The following SPATS2 variants were observed in gnomAD, a reference collection of about 807,000 sequenced individuals.
SPATS2 encodes spermatogenesis-associated serine-rich protein 2.
SPATS2 carries 38 observed loss-of-function variants against 63.7 expected under a neutral mutation model. That is an observed-to-expected ratio of 0.60 (90% CI 0.46 to 0.78). The LOEUF (loss-of-function observed/expected upper bound fraction) is 0.78. SPATS2 is among the 30% of genes least tolerant of loss of function. The pLI is 0.00. For synonymous variants in SPATS2, 207 were observed against 232.9 expected (o/e 0.89, Z 1.01); for missense variants, 588 against 666.2 (o/e 0.88, Z 1.29).
At chr12:49,407,802 A>C (rs997568296) in intron 2 of SPATS2, among the ~76,000 whole-genome samples, 13 of 152,212 alleles carry the variant, frequency 8.5e-5, no homozygotes, top group African/African-American at 2.4e-4. Context: ...AAAATGACCT[A>C]CTGCCTCTTT....
chr12:49,487,128 G>T (rs531169390), intron 4 of SPATS2, among the ~76,000 whole-genome samples: 2 of 152,104 alleles, frequency 1.3e-5, no homozygotes, highest in African/African-American at 2.4e-5. Flanking sequence ...TAAAATTTAA[G>T]ATTTGCAATT....
At position 49,460,946 on chromosome 12, in the gene SPATS2, C is replaced by A; in HGVS notation, c.-67C>A. 2 of 1,587,046 alleles carry A rather than the reference C, an allele frequency of 1.3e-6. No individual in the cohort carries two copies. The highest frequency in any genetic ancestry group is 1.7e-6 in the Non-Finnish European group (2 of 1,158,334). ...CCCACTTTTAAATCAGAGATACCTA[C>A]ACTCAAAACCCAGACAAGGCAAAAG... On this transcript the variant is annotated 5_prime_UTR_variant, in exon 3 of 14. Coordinates refer to ENST00000552918, the MANE Select transcript of SPATS2 (RefSeq NM_023071.4).
intron 10 of SPATS2, among the ~76,000 whole-genome samples, chr12:49,516,151 AAAAAAAAAAAAAAAAATATATATATAT>A (rs1946836827): frequency 2.6e-5 from 1 of 39,184 alleles, no homozygotes; most frequent in Admixed American, 4.7e-4. Flanking sequence ...AAAAAAAAAA[AAAAAAAAAAAAAAAAATATATATATAT>A]ATATATATAT....
At chr12:49,505,148 C>T (rs1946636165) in intron 9 of SPATS2, among the ~76,000 whole-genome samples, 1 of 151,964 alleles carries the variant, frequency 6.6e-6, no homozygotes, top group Admixed American at 6.6e-5. Flanking sequence ...CATATAGATG[C>T]TGAAAACTTA....
intron 2 of SPATS2, among the ~76,000 whole-genome samples, chr12:49,428,402 A>G (rs1471360554): frequency 1.3e-5 from 2 of 152,158 alleles, no homozygotes; most frequent in Non-Finnish European, 2.9e-5. Flanking sequence ...ATTTTCCCAA[A>G]CTGAAACTGT....
chr12:49,398,969 G>A (rs761742020), intron 2 of SPATS2, among the ~76,000 whole-genome samples: 3 of 152,070 alleles, frequency 2.0e-5, no homozygotes, highest in Non-Finnish European at 4.4e-5. Context: ...GGCTGTTTTA[G>A]CATGCTTTGT....
Position 49,489,509 on chromosome 12 carries a change from A to G in SPATS2, c.150A>G (p.Glu50=). ...TAGTTCCTAATAAGAGCAACAATGAAATTATCCTGGTTTTGCAGCACTTTG... is the reference window on the plus strand; with the variant it reads ...TAGTTCCTAATAAGAGCAACAATGAGATTATCCTGGTTTTGCAGCACTTTG... ...RAIVPNKSNN[E]IILVLQHFDN... The change falls in exon 5 of 14, where the codon GAA becomes GAG. Residue 50 remains glutamate (E), a synonymous_variant. Transcript: ENST00000552918. The G allele has an allele frequency of 1.2e-6, 2 of 1,613,930 alleles. No individual in the cohort carries two copies. Among genetic ancestry groups the G allele is most frequent in the Non-Finnish European group, 1.7e-6 (2 of 1,179,898 alleles).
chr12:49,448,465 A>C (rs1342519496), intron 2 of SPATS2, among the ~76,000 whole-genome samples: 1 of 151,952 alleles, frequency 6.6e-6, no homozygotes, highest in Non-Finnish European at 1.5e-5. Flanking sequence ...CTTTCAGTTC[A>C]AAATATTTTC....
At chr12:49,493,111 A>AT (rs1946410659) in intron 6 of SPATS2, among the ~76,000 whole-genome samples, 1 of 151,774 alleles carries the variant, frequency 6.6e-6, no homozygotes, top group Non-Finnish European at 1.5e-5. Flanking sequence ...AAAAAAAAAA[A>AT]AAAAAAGAAA....
intron 2 of SPATS2, among the ~76,000 whole-genome samples, chr12:49,417,500 A>C (rs1199317803): frequency 6.6e-6 from 1 of 152,240 alleles, no homozygotes; most frequent in Non-Finnish European, 1.5e-5. Flanking sequence ...GCCTGACCCC[A>C]TCTGATAAGG....
chr12:49,464,458 T>TAA lies in SPATS2; in HGVS notation c.25+3439_25+3440dup, dbSNP rs1228818478. Reference sequence around the variant, plus strand: ...AACATGGAGAAACCCTGTCTCTGCTTAAAAAAAAAAAAAAAAAAATTAGCT... The same window carrying TAA: ...AACATGGAGAAACCCTGTCTCTGCTTAAAAAAAAAAAAAAAAAAAAATTAGCT... On this transcript the variant is annotated intron_variant, in intron 3 of 13. Coordinates refer to ENST00000552918, the MANE Select transcript of SPATS2 (RefSeq NM_023071.4). Among the ~76,000 whole-genome samples the TAA allele has an allele frequency of 1.1e-3, 136 of 121,720 alleles. No homozygotes were observed. The Middle Eastern group carries it at 0.013, about 11-fold the overall frequency. The allele number at this position is 121,720 out of a possible 152,430, so 79.9% of individuals were successfully genotyped here. A position where few individuals can be genotyped will look rare whatever the true frequency, so the allele number is the denominator to read the frequency against.
chr12:49,475,062 C>T (rs2137776758), intron 3 of SPATS2, among the ~76,000 whole-genome samples: 1 of 152,338 alleles, frequency 6.6e-6, no homozygotes, highest in Non-Finnish European at 1.5e-5. Context: ...CCCACCGGGT[C>T]TGTCCCACAA....
At chr12:49,508,417 A>T (rs991264391) in intron 9 of SPATS2, among the ~76,000 whole-genome samples, 1 of 152,136 alleles carries the variant, frequency 6.6e-6, no homozygotes, top group African/African-American at 2.4e-5. Flanking sequence ...CATGTTGGCC[A>T]GGCTGGTCGC....
Position 49,460,980 on chromosome 12 carries a change from T to C in SPATS2, c.-33T>C. 2 of 1,613,016 alleles carry C rather than the reference T, an allele frequency of 1.2e-6. No individual in the cohort carries two copies. Among genetic ancestry groups the C allele is most frequent in the Non-Finnish European group, 1.7e-6 (2 of 1,179,330 alleles). On this transcript the variant is annotated 5_prime_UTR_variant, in exon 3 of 14. Transcript: ENST00000552918. ...CCCAGACAAGGCAAAAGGATACTTT[T>C]CTTGTATATTTTTTGAGATCGAAGA...
At chr12:49,465,029 G>T (rs1182171531) in intron 3 of SPATS2, among the ~76,000 whole-genome samples, 1 of 152,068 alleles carries the variant, frequency 6.6e-6, no homozygotes, top group Non-Finnish European at 1.5e-5. Flanking sequence ...TGTTTTTAAG[G>T]TTCCTCCATA....
rs955790745 is a variant in SPATS2, at chr12:49,459,671, G to A, written c.-243-1099G>A. 4.5e-4 allele frequency among the ~76,000 whole-genome samples: 65 copies of A among 144,578 alleles called. 1 individual carries two copies. The highest frequency in any genetic ancestry group is 8.9e-4 in the Non-Finnish European group (60 of 67,202). 94.8% of individuals were successfully genotyped at this position (144,578 alleles called of 152,430 possible). ...CTAGACCGTTATTAAAAAGTCTCACGTTTGCTGTTCTTCGTGCCTCTAAGT... is the reference window on the plus strand; with the variant it reads ...CTAGACCGTTATTAAAAAGTCTCACATTTGCTGTTCTTCGTGCCTCTAAGT... On this transcript the variant is annotated intron_variant, in intron 2 of 13. Coordinates refer to ENST00000552918, the MANE Select transcript of SPATS2 (RefSeq NM_023071.4).
intron 2 of SPATS2, among the ~76,000 whole-genome samples, chr12:49,449,463 C>T (rs764213691): frequency 6.6e-6 from 1 of 152,208 alleles, no homozygotes. Context: ...ATCCGCCTGC[C>T]TCAGCCTCCC....
chr12:49,436,765 G>A (rs1159374042), intron 2 of SPATS2, among the ~76,000 whole-genome samples: 1 of 145,152 alleles, frequency 6.9e-6, no homozygotes, highest in African/African-American at 2.6e-5. Flanking sequence ...CGGACAGGGC[G>A]GCTGGCCGGG....
At chr12:49,366,908 C>A (rs1205363693), upstream of SPATS2, 1 of 151,994 alleles carries the variant, frequency 6.6e-6, no homozygotes, top group Non-Finnish European at 1.5e-5. Context: ...GGTCCCTAAC[C>A]GATGCCGCCG....
Sources: gnomAD v4.1 joint callset for allele counts (sites outside exome capture counted in the v4.1 genomes callset) on GRCh38, gnomAD v4.1.1 for gene constraint, MANE v1.5 for transcripts, NCBI Gene and HGNC (gene_info 2026-07-23, HGNC 2026-07-21) for gene names.